The following CXCL9 variants were observed in gnomAD, a reference collection of about 807,000 sequenced individuals.
The protein encoded by CXCL9 is C-X-C motif chemokine 9.
Under a neutral mutation model 11.7 loss-of-function variants are expected in CXCL9, and 8 were observed. The ratio of observed to expected loss-of-function variants is 0.68; its 90% CI spans 0.40 to 1.23. The LOEUF (loss-of-function observed/expected upper bound fraction) is 1.23. Among genes scored for constraint, CXCL9 ranks in the 50% most tolerant of loss-of-function variants. The probability of loss-of-function intolerance (pLI) is 0.01; values close to 1 mark genes in which losing one functional copy is unlikely to be tolerated. For missense variants in CXCL9, 133 were observed against 141.7 expected, an observed-to-expected ratio of 0.94 and a Z score of 0.31; for synonymous variants, 43 against 48.2, an observed-to-expected ratio of 0.89 and a Z score of 0.45.
In CXCL9 at chr4:76,003,361, T is replaced by C. The variant is rs531719839; in HGVS notation, c.*237A>G. ...GCTAAAATCATGGCCTTAAGCATGATGAAATTCAACTGGTGGGTGGTAGAA... is the reference window on the plus strand; with the variant it reads ...GCTAAAATCATGGCCTTAAGCATGACGAAATTCAACTGGTGGGTGGTAGAA... On this transcript the variant is annotated 3_prime_UTR_variant, in exon 4 of 4. Transcript: ENST00000264888. The C allele has an allele frequency of 2.5e-5, 12 of 471,646 alleles. No individual in the cohort carries two copies. The highest frequency in any genetic ancestry group is 4.1e-5 in the Non-Finnish European group (11 of 266,746). 29.2% of individuals were successfully genotyped at this position (471,646 alleles called of 1,614,324 possible). A position where few individuals can be genotyped will look rare whatever the true frequency, so the allele number is the denominator to read the frequency against.
intron 2 of CXCL9, 144 bp from the exon 3 acceptor site, chr4:76,005,037 T>G: frequency 1.6e-6 from 2 of 1,226,526 alleles, no homozygotes. Flanking sequence ...GATGAGTCAC[T>G]GGTTGAATTT....
intron 2 of CXCL9, 122 bp downstream of exon 2, chr4:76,006,026 G>A: frequency 1.2e-6 from 1 of 838,660 alleles, no homozygotes; most frequent in Non-Finnish European, 1.9e-6. Context: ...CCAAATTTAT[G>A]GAGGGGGTAA....
In CXCL9 at chr4:76,002,086, A is replaced by G. The variant is rs774593017; in HGVS notation, c.*1512T>C. 2 of 386,798 alleles carry G rather than the reference A, an allele frequency of 5.2e-6. No homozygotes were observed. Among genetic ancestry groups the G allele is most frequent in the Non-Finnish European group, 9.1e-6 (2 of 219,304 alleles). The allele number at this position is 386,798 out of a possible 1,614,324, so 24.0% of individuals were successfully genotyped here. On this transcript the variant is annotated 3_prime_UTR_variant, in exon 4 of 4. Transcript: ENST00000264888. The stretch of plus-strand genomic sequence containing the variant: ...CAAACTCTGAAACAAGTAAACGGAC[A>G]ATAAAACTCATATTTGCCTAAAATG...
rs1379333761 is a variant in CXCL9 at position 76,003,297 on chromosome 4, G to A, written c.*301C>T. Reference sequence around the variant, plus strand: ...CTCTTCCAGGCAGCTGTTGTGAGTGGGATGTGGTTGGGTGAACATCTGTGT... The same window carrying A: ...CTCTTCCAGGCAGCTGTTGTGAGTGAGATGTGGTTGGGTGAACATCTGTGT... On this transcript the variant is annotated 3_prime_UTR_variant, in exon 4 of 4. Transcript: ENST00000264888. 5.5e-4 allele frequency: 145 copies of A among 265,212 alleles called. 2 individuals are homozygous for A. In the Admixed American group the frequency reaches 7.6e-3, roughly 14 times the overall value. The allele number at this position is 265,212 out of a possible 1,614,324, so 16.4% of individuals were successfully genotyped here. A position where few individuals can be genotyped will look rare whatever the true frequency, so the allele number is the denominator to read the frequency against.
chr4:76,007,024 G>T (rs1731599293), intron 1 of CXCL9, among the ~76,000 whole-genome samples: 1 of 152,040 alleles, frequency 6.6e-6, no homozygotes, highest in Admixed American at 6.6e-5. Context: ...AATAGATTAG[G>T]GACAAATTCT....
At chr4:76,004,411 T>G (rs1257958020) in intron 3 of CXCL9, among the ~76,000 whole-genome samples, 1 of 152,224 alleles carries the variant, frequency 6.6e-6, no homozygotes, top group East Asian at 1.9e-4. Flanking sequence ...CAAAGTTAAG[T>G]ACTCCCTCCT....
rs1186574476 is a variant in CXCL9 at position 76,003,599 on chromosome 4, T to TA, written c.376dup (p.Ter126LeufsTer30). ...AATACTTATTGGTGAAGTGGTCTCT[T>TA]ATGTAGTCTTCTTTTGACGAGAACG... is the stretch of plus-strand genomic sequence containing the variant. On this transcript the variant is annotated frameshift_variant and stop_lost, in exon 4 of 4. Transcript: ENST00000264888. LOFTEE classifies it high-confidence loss of function. The TA allele has an allele frequency of 1.3e-6, 2 of 1,554,024 alleles. No homozygotes were observed. The highest frequency in any genetic ancestry group is 2.7e-5 in the African/African-American group (2 of 73,548).
rs1231741541 is a variant in CXCL9, at chr4:76,006,015, C to T, written c.191+133G>A. The T allele has an allele frequency of 2.5e-5, 19 of 755,848 alleles. No homozygotes were observed. In the Admixed American group the frequency reaches 4.0e-4, roughly 16 times the overall value. The allele number at this position is 755,848 out of a possible 1,614,324, so 46.8% of individuals were successfully genotyped here. On this transcript the variant is annotated intron_variant, in intron 2 of 3. Coordinates refer to ENST00000264888, the MANE Select transcript of CXCL9 (RefSeq NM_002416.3). ...TAAGGAGAAGAAAAGAAAGGAGCTG[C>T]CCAAATTTATGGAGGGGGTAACCAT...
Position 76,001,687 on chromosome 4 carries a change from AG to A in CXCL9, c.*1910del, listed in dbSNP as rs1321756309. The A allele has an allele frequency of 3.3e-5, 5 of 152,198 alleles. No individual in the cohort carries two copies. The highest frequency in any genetic ancestry group is 1.2e-4 in the African/African-American group (5 of 41,432). 9.4% of individuals were successfully genotyped at this position (152,198 alleles called of 1,614,324 possible). On this transcript the variant is annotated 3_prime_UTR_variant, in exon 4 of 4. Coordinates refer to ENST00000264888, the MANE Select transcript of CXCL9 (RefSeq NM_002416.3). The stretch of plus-strand genomic sequence containing the variant: ...ATATACTGTCTACCTGTGAGATGCA[AG>A]GTAAGTGGGTCACAGACTCTCAAAT...
At position 76,001,976 on chromosome 4, in the gene CXCL9, C is replaced by A; in HGVS notation, c.*1622G>T. ...TGGGCACCAATCATGCTTCCACTAA[C>A]CGACTTGGCTGCTTCCTCTAGCGCT... On this transcript the variant is annotated 3_prime_UTR_variant, in exon 4 of 4. Transcript: ENST00000264888. 4.2e-6 allele frequency: 1 copy of A among 240,210 alleles called. No homozygotes were observed. The highest frequency in any genetic ancestry group is 7.8e-5 in the East Asian group (1 of 12,776). 14.9% of individuals were successfully genotyped at this position (240,210 alleles called of 1,614,324 possible).
rs758459547 is a variant in CXCL9 at position 76,004,928 on chromosome 4, CATT to C, written c.192-38_192-36del. Reference sequence around the variant, plus strand: ...AAATAGCAATGAGATAGTTTTTTCTCATTAATAATTTAAATGCTTCTTCTCAGA... The same window carrying C: ...AAATAGCAATGAGATAGTTTTTTCTCAATAATTTAAATGCTTCTTCTCAGA... On this transcript the variant is annotated intron_variant, in intron 2 of 3. Coordinates refer to ENST00000264888, the MANE Select transcript of CXCL9 (RefSeq NM_002416.3). The C allele has an allele frequency of 1.1e-5, 16 of 1,497,496 alleles. No individual in the cohort carries two copies. In the Admixed American group the frequency reaches 2.6e-4, roughly 25 times the overall value. 92.8% of individuals were successfully genotyped at this position (1,497,496 alleles called of 1,614,324 possible).
At position 76,001,628 on chromosome 4, in the gene CXCL9, G is replaced by C. The variant is rs1731466319; in HGVS notation, c.*1970C>G. Reference sequence around the variant, plus strand: ...TATGATAAATGATTATAACGTGTGTGTCAGTGACAATATGTAGTCTTTGGT... The same window carrying C: ...TATGATAAATGATTATAACGTGTGTCTCAGTGACAATATGTAGTCTTTGGT... On this transcript the variant is annotated 3_prime_UTR_variant, in exon 4 of 4. Transcript: ENST00000264888. 6.6e-6 allele frequency: 1 copy of C among 152,186 alleles called. No homozygotes were observed. Among genetic ancestry groups the C allele is most frequent in the South Asian group, 2.1e-4 (1 of 4,828 alleles). The allele number at this position is 152,186 out of a possible 1,614,324, so 9.4% of individuals were successfully genotyped here. A position where few individuals can be genotyped will look rare whatever the true frequency, so the allele number is the denominator to read the frequency against.
chr4:76,004,104 A>G (rs181104864), intron 3 of CXCL9, among the ~76,000 whole-genome samples: 34 of 152,172 alleles, frequency 2.2e-4, no homozygotes, highest in African/African-American at 7.5e-4. Context: ...CCAGAACCCA[A>G]TCTCCCACCC....
chr4:76,007,401 G>A lies in CXCL9; in HGVS notation c.49C>T (p.Leu17=). The change falls in exon 1 of 4, where the codon CTG becomes TTG. Residue 17 remains leucine (L), a synonymous_variant. Coordinates refer to ENST00000264888, the MANE Select transcript of CXCL9 (RefSeq NM_002416.3). ...AACCCCTTACCTTGCACTCCAATCA[G>A]AACCAGCAAGATGATGCCCAAGAGG... is the stretch of plus-strand genomic sequence containing the variant. The part of the protein sequence containing the change: ...LFLLGIILLV[L]IGVQGTPVVR... 9 of 1,597,390 alleles carry A rather than the reference G, an allele frequency of 5.6e-6. No homozygotes were observed. Among genetic ancestry groups the A allele is most frequent in the Non-Finnish European group, 7.7e-6 (9 of 1,164,752 alleles).
chr4:76,007,039 T>C (rs1248802080), intron 1 of CXCL9, among the ~76,000 whole-genome samples: 2 of 152,166 alleles, frequency 1.3e-5, no homozygotes, highest in Non-Finnish European at 2.9e-5. Flanking sequence ...AATTCTCTGA[T>C]TATTGGTTGG....
intron 3 of CXCL9, among the ~76,000 whole-genome samples, chr4:76,003,998 T>C (rs188721241): frequency 1.7e-3 from 263 of 152,280 alleles, no homozygotes; most frequent in Non-Finnish European, 2.7e-3. Flanking sequence ...ACTATTATCA[T>C]CCACGTTTTA....
At position 76,003,681 on chromosome 4, in the gene CXCL9, G is replaced by A. The variant is rs1225432426; in HGVS notation, c.295C>T (p.Gln99Ter). ...WEKQVSQKKK[Q>*]KNGKKHQKKK... ...TTTTGATGTTTTTTCCCATTCTTTT[G>A]CTTTTTCTTTTGGCTGACCTGTGAG... The change falls in exon 4 of 4, where the codon CAA becomes TAA. Residue 99 changes from glutamine to a stop codon, truncating the protein, a stop_gained. Transcript: ENST00000264888. LOFTEE classifies it low-confidence loss of function (END_TRUNC). 2 of 1,608,730 alleles carry A rather than the reference G, an allele frequency of 1.2e-6. No individual in the cohort carries two copies. The highest frequency in any genetic ancestry group is 1.7e-6 in the Non-Finnish European group (2 of 1,177,036).
chr4:76,005,109 C>T (rs1731560465), intron 2 of CXCL9: 5 of 606,088 alleles, frequency 8.2e-6, no homozygotes, highest in Non-Finnish European at 9.1e-6. Flanking sequence ...TACAGTGGTG[C>T]GATCTCAGCT....
rs1479240429 is a variant in CXCL9 at position 76,003,614 on chromosome 4, T to A, written c.362A>T (p.Gln121Leu). Residue 121 changes from glutamine (Q) to leucine (L), a missense_variant, in exon 4 of 4, where the codon CAA becomes CTA. By Grantham distance (113) the Gln-to-Leu change is moderately radical. Coordinates refer to ENST00000264888, the MANE Select transcript of CXCL9 (RefSeq NM_002416.3). ...AGTGGTCTCTTATGTAGTCTTCTTT[T>A]GACGAGAACGTTGAGATTTTCGAAC... ...LKVRKSQRSR[Q>L]KKTT The A allele has an allele frequency of 6.3e-7, 1 of 1,599,494 alleles. No homozygotes were observed. Among genetic ancestry groups the A allele is most frequent in the South Asian group, 1.1e-5 (1 of 90,540 alleles).
Sources: allele counts gnomAD v4.1 joint callset (sites outside exome capture counted in the v4.1 genomes callset), GRCh38; gene constraint gnomAD v4.1.1; transcripts MANE v1.5; gene names NCBI Gene and HGNC (gene_info 2026-07-23, HGNC 2026-07-21).